The following VPS26B variants were observed in gnomAD, a reference collection of about 807,000 sequenced individuals.
VPS26B encodes vacuolar protein sorting-associated protein 26B.
VPS26B carries 10 observed loss-of-function variants against 33.3 expected under a neutral mutation model. That is an observed-to-expected ratio of 0.30 (90% CI 0.19 to 0.51). The LOEUF is 0.51. Ranked by LOEUF, VPS26B falls within the 20% of genes least tolerant of loss-of-function variation. VPS26B has a pLI of 0.98. For missense variants in VPS26B, 317 were observed against 452.7 expected, an observed-to-expected ratio of 0.70 and a Z score of 2.72; for synonymous variants, 190 against 176.9, an observed-to-expected ratio of 1.07 and a Z score of -0.59.
chr11:134,245,202 A>C lies in VPS26B; in HGVS notation c.864+122A>C, dbSNP rs919523437. ...GGAACATTAGGTCGCCCACAATTGC[A>C]CAACAAGAATGAGGATTCTCACCTG... On this transcript the variant is annotated intron_variant, in intron 5 of 5. Transcript: ENST00000281187. This position sits in a 1 kb window ranked among gnomAD's most constrained non-coding sequence, Gnocchi z 4.7. 65 of 1,409,878 alleles carry C rather than the reference A, an allele frequency of 4.6e-5. No individual in the cohort carries two copies. Among genetic ancestry groups the C allele is most frequent in the East Asian group, 3.2e-4 (13 of 40,718 alleles). The allele number at this position is 1,409,878 out of a possible 1,614,324, so 87.3% of individuals were successfully genotyped here. A position where few individuals can be genotyped will look rare whatever the true frequency, so the allele number is the denominator to read the frequency against.
In VPS26B at chr11:134,240,194, A is replaced by T. The variant is rs1938695612; in HGVS notation, c.545+39A>T. Reference sequence around the variant, plus strand: ...TGCCAAGGTTGTGAAATGATTATTTAAGGAGGTTAAGATGGGACTTGATGC... The same window carrying T: ...TGCCAAGGTTGTGAAATGATTATTTTAGGAGGTTAAGATGGGACTTGATGC... On this transcript the variant is annotated intron_variant, in intron 3 of 5. Coordinates refer to ENST00000281187, the MANE Select transcript of VPS26B (RefSeq NM_052875.5). The surrounding 1 kb of genome is among the most constrained non-coding windows in gnomAD (Gnocchi z 4.4). 1.2e-6 allele frequency: 2 copies of T among 1,608,636 alleles called. No homozygotes were observed. The highest frequency in any genetic ancestry group is 2.7e-5 in the African/African-American group (2 of 74,816).
At chr11:134,231,637 T>G (rs1166596413) in intron 1 of VPS26B, among the ~76,000 whole-genome samples, 1 of 151,692 alleles carries the variant, frequency 6.6e-6, no homozygotes, top group East Asian at 1.9e-4. Flanking sequence ...CAATCTCAGC[T>G]CACTGCAACC....
At chr11:134,225,889 A>G (rs1172689253) in intron 1 of VPS26B, among the ~76,000 whole-genome samples, 1 of 152,174 alleles carries the variant, frequency 6.6e-6, no homozygotes, top group East Asian at 1.9e-4. Context: ...ACCTCACCTC[A>G]GCCCTGAACT....
intron 2 of VPS26B, among the ~76,000 whole-genome samples, chr11:134,238,078 CATT>C (rs1318932907): frequency 3.9e-5 from 6 of 152,142 alleles, no homozygotes; most frequent in Non-Finnish European, 7.3e-5. Flanking sequence ...AAGGCTTCCA[CATT>C]AGAATCATGT....
In VPS26B at chr11:134,247,127, G is replaced by GCCTAGGAGGGCGACTGGCGGCAGCAGAA. The variant is rs1401778595; in HGVS notation, c.*1540_*1567dup. 4.6e-5 allele frequency: 7 copies of GCCTAGGAGGGCGACTGGCGGCAGCAGAA among 152,364 alleles called. No individual in the cohort carries two copies. The East Asian group carries it at 1.4e-3, about 29-fold the overall frequency. The allele number at this position is 152,364 out of a possible 1,614,324, so 9.4% of individuals were successfully genotyped here. ...ACTGGAGGGAGAGGCATTTTGGGTA[G>GCCTAGGAGGGCGACTGGCGGCAGCAGAA]CCTAGGAGGGCGACTGGCGGCAGCA... On this transcript the variant is annotated 3_prime_UTR_variant, in exon 6 of 6. Transcript: ENST00000281187.
At chr11:134,235,445 T>C (rs539175962) in intron 2 of VPS26B, 1 of 156,074 alleles carries the variant, frequency 6.4e-6, no homozygotes, top group African/African-American at 2.4e-5. Flanking sequence ...ATGATTCATT[T>C]AATTGTGAGT....
At chr11:134,237,094 C>T (rs552608330) in intron 2 of VPS26B, among the ~76,000 whole-genome samples, 1 of 152,234 alleles carries the variant, frequency 6.6e-6, no homozygotes, top group Admixed American at 6.5e-5. Context: ...GATGTAACTT[C>T]CAGATTAAAA....
intron 1 of VPS26B, among the ~76,000 whole-genome samples, chr11:134,233,280 C>T (rs1486573212): frequency 1.3e-5 from 2 of 152,186 alleles, no homozygotes; most frequent in African/African-American, 4.8e-5. Context: ...CAGCAAACAA[C>T]AGAGGCAATG....
At chr11:134,232,474 T>C (rs757047692) in intron 1 of VPS26B, among the ~76,000 whole-genome samples, 4 of 152,210 alleles carry the variant, frequency 2.6e-5, no homozygotes, top group Non-Finnish European at 5.9e-5. Context: ...TGACATTTGA[T>C]GTCAGAGCTG....
rs1410497504 is a variant in VPS26B, at chr11:134,245,109, T to C, written c.864+29T>C. 1.9e-6 allele frequency: 3 copies of C among 1,612,536 alleles called. No homozygotes were observed. Among genetic ancestry groups the C allele is most frequent in the Admixed American group, 1.7e-5 (1 of 59,950 alleles). On this transcript the variant is annotated intron_variant, in intron 5 of 5. Coordinates refer to ENST00000281187, the MANE Select transcript of VPS26B (RefSeq NM_052875.5). This position sits in a 1 kb window ranked among gnomAD's most constrained non-coding sequence, Gnocchi z 4.7. Reference sequence around the variant, plus strand: ...AGGGCCAGGCTCCTCCAGGCCCCGATGCCCTTGGGACAGAACAGGAGGCTC... The same window carrying C: ...AGGGCCAGGCTCCTCCAGGCCCCGACGCCCTTGGGACAGAACAGGAGGCTC...
intron 2 of VPS26B, among the ~76,000 whole-genome samples, chr11:134,238,751 A>G (rs1228653560): frequency 1.3e-5 from 2 of 151,612 alleles, no homozygotes; most frequent in South Asian, 2.1e-4. Context: ...GCCCGCCACC[A>G]CGCCCGGCTA....
intron 1 of VPS26B, 62 bp from the exon 2 acceptor site, chr11:134,234,835 A>T: frequency 6.3e-7 from 1 of 1,575,912 alleles, no homozygotes; most frequent in Admixed American, 1.7e-5. Flanking sequence ...CCAGCCCCCT[A>T]CTCGGCCCGG....
At chr11:134,230,118 T>A (rs547484285) in intron 1 of VPS26B, among the ~76,000 whole-genome samples, 1 of 152,310 alleles carries the variant, frequency 6.6e-6, no homozygotes, top group South Asian at 2.1e-4. Context: ...CCACTGTTCT[T>A]CCAGAGGCCT....
intron 1 of VPS26B, among the ~76,000 whole-genome samples, chr11:134,232,767 C>T (rs1349443637): frequency 1.3e-5 from 2 of 152,208 alleles, no homozygotes; most frequent in East Asian, 3.9e-4. Context: ...GGGCCTTGCT[C>T]TGCCTGCTTC....
chr11:134,242,172 G>C (rs1938736751), intron 3 of VPS26B, among the ~76,000 whole-genome samples: 1 of 152,158 alleles, frequency 6.6e-6, no homozygotes, highest in Non-Finnish European at 1.5e-5. Flanking sequence ...TGGCGCAGGT[G>C]GTCTCCTGCT....
In VPS26B at chr11:134,246,712, A is replaced by G. The variant is rs543872558; in HGVS notation, c.*1122A>G. 4 of 152,522 alleles carry G rather than the reference A, an allele frequency of 2.6e-5. No homozygotes were observed. In the East Asian group the frequency reaches 7.8e-4, roughly 30 times the overall value. The allele number at this position is 152,522 out of a possible 1,614,324, so 9.4% of individuals were successfully genotyped here. On this transcript the variant is annotated 3_prime_UTR_variant, in exon 6 of 6. Transcript: ENST00000281187. ...TCATCTTCACCAGTTGACTGACCCA[A>G]GTTTAGGACCATTGGTATCGTGTGT...
intron 1 of VPS26B, among the ~76,000 whole-genome samples, chr11:134,232,629 C>T (rs1184644585): frequency 6.6e-6 from 1 of 152,218 alleles, no homozygotes; most frequent in Non-Finnish European, 1.5e-5. Context: ...AGCCTGAGCG[C>T]TCTCTGTGCC....
chr11:134,234,818 ACAGCCTC>A (rs1565356385), intron 1 of VPS26B, 72 bp from the exon 2 acceptor site: 3 of 1,545,694 alleles, frequency 1.9e-6, no homozygotes, highest in Non-Finnish European at 2.6e-6. Flanking sequence ...CCTCCAGCCT[ACAGCCTC>A]CAGCCCCCTA....
At chr11:134,235,158 A>T (rs1384763332) in intron 2 of VPS26B, 105 bp downstream of exon 2, 1 of 1,422,524 alleles carries the variant, frequency 7.0e-7, no homozygotes, top group Non-Finnish European at 9.5e-7. Context: ...GATCCCGAGA[A>T]GGAAGAGTGT....
Sources: allele counts gnomAD v4.1 joint callset (sites outside exome capture counted in the v4.1 genomes callset), GRCh38; gene constraint gnomAD v4.1.1; non-coding constraint Gnocchi (gnomAD v3.1); transcripts MANE v1.5; gene names NCBI Gene and HGNC (gene_info 2026-07-23, HGNC 2026-07-21).